The following DDHD1 variants were observed in gnomAD, a reference collection of about 807,000 sequenced individuals.
The protein encoded by DDHD1 is phospholipase DDHD1.
In DDHD1, 49 loss-of-function variants were observed where a neutral mutation model predicts 96.4. The observed-to-expected ratio is 0.51, with a 90% CI of 0.40 to 0.64. The LOEUF (loss-of-function observed/expected upper bound fraction) is 0.64, where lower values mean the gene tolerates loss of function less well. Among genes scored for constraint, DDHD1 ranks in the 30% least tolerant of loss-of-function variants. DDHD1 has a pLI of 0.00. For synonymous variants in DDHD1, 442 were observed against 446.5 expected (o/e 0.99, Z 0.13); for missense variants, 1,106 against 1,161.2 (o/e 0.95, Z 0.69).
intron 1 of DDHD1, among the ~76,000 whole-genome samples, chr14:53,127,364 C>T (rs1889532856): frequency 6.6e-6 from 1 of 152,148 alleles, no homozygotes; most frequent in South Asian, 2.1e-4. Context: ...CCAGTTCACC[C>T]CTTAACCTCT....
At chr14:53,114,154 G>A (rs1888362118) in intron 1 of DDHD1, among the ~76,000 whole-genome samples, 1 of 152,224 alleles carries the variant, frequency 6.6e-6, no homozygotes, top group African/African-American at 2.4e-5. Context: ...GCTGTCACCA[G>A]ACTGCCTCTC....
At chr14:53,070,725 C>T (rs56706772) in intron 6 of DDHD1, among the ~76,000 whole-genome samples, 10,409 of 152,118 alleles carry the variant, frequency 0.068, 898 homozygotes, top group African/African-American at 0.2. Flanking sequence ...TTAATACATA[C>T]AAAATAAACC....
intron 1 of DDHD1, among the ~76,000 whole-genome samples, chr14:53,113,595 G>C (rs1009805017): frequency 1.5e-4 from 23 of 151,460 alleles, no homozygotes; most frequent in African/African-American, 5.4e-4. Context: ...GTGAGCAGAA[G>C]CATGGTGGTG....
At chr14:53,113,088 T>C (rs1332452687) in intron 1 of DDHD1, among the ~76,000 whole-genome samples, 2 of 151,588 alleles carry the variant, frequency 1.3e-5, no homozygotes, top group Non-Finnish European at 2.9e-5. Context: ...GCCTCCAGAG[T>C]AGCCAGGAAT....
intron 1 of DDHD1, among the ~76,000 whole-genome samples, chr14:53,140,627 T>C (rs1241767056): frequency 1.3e-5 from 2 of 151,462 alleles, no homozygotes; most frequent in Non-Finnish European, 2.9e-5. Flanking sequence ...TAGAAGAGAA[T>C]CATTAAACAA....
At chr14:53,086,867 A>G (rs944808570) in intron 4 of DDHD1, among the ~76,000 whole-genome samples, 1 of 151,652 alleles carries the variant, frequency 6.6e-6, no homozygotes, top group Admixed American at 6.6e-5. Context: ...CAAATGGGAT[A>G]AAGACCCATC....
At chr14:53,073,060 A>G (rs1210449589) in intron 5 of DDHD1, among the ~76,000 whole-genome samples, 1 of 152,066 alleles carries the variant, frequency 6.6e-6, no homozygotes, top group Admixed American at 6.6e-5. Flanking sequence ...CCCAAATGGC[A>G]GCTGCTAATA....
At chr14:53,092,171 C>T (rs1394036525) in intron 3 of DDHD1, 5 of 310,670 alleles carry the variant, frequency 1.6e-5, no homozygotes, top group Non-Finnish European at 2.9e-5. Context: ...GAAGGACAAA[C>T]TGAATATATA....
At position 53,065,077 on chromosome 14, in the gene DDHD1, T is replaced by A. The variant is rs190748523; in HGVS notation, c.1504-1872A>T. On this transcript the variant is annotated intron_variant, in intron 6 of 12. Transcript: ENST00000673822. Reference sequence around the variant, plus strand: ...ATTATCTATTAGGTCTACAATATGATCTAATCAACTCAACGAACCTCTTAC... The same window carrying A: ...ATTATCTATTAGGTCTACAATATGAACTAATCAACTCAACGAACCTCTTAC... 4.3e-4 allele frequency among the ~76,000 whole-genome samples: 65 copies of A among 152,298 alleles called. 1 individual carries two copies. The East Asian group carries it at 7.3e-3, about 17-fold the overall frequency.
At position 53,124,235 on chromosome 14, in the gene DDHD1, C is replaced by CA. The variant is rs1231118458; in HGVS notation, c.839-20380dup. 7.1e-3 allele frequency among the ~76,000 whole-genome samples: 785 copies of CA among 109,854 alleles called. 7 individuals carry two copies. Among genetic ancestry groups the CA allele is most frequent in the African/African-American group, 0.025 (655 of 26,658 alleles). 72.1% of individuals were successfully genotyped at this position (109,854 alleles called of 152,430 possible). On this transcript the variant is annotated intron_variant, in intron 1 of 12. Transcript: ENST00000673822. ...GGGCGACAAGAGTGAAACTCTGTCT[C>CA]AAAAAAAAAAAAATTATATATATAT...
chr14:53,097,101 T>C (rs530443298), intron 2 of DDHD1, among the ~76,000 whole-genome samples: 25 of 152,170 alleles, frequency 1.6e-4, no homozygotes, highest in African/African-American at 5.5e-4. Context: ...CACCAGTTAA[T>C]AAATTACAGG....
chr14:53,116,591 A>G (rs1017951315), intron 1 of DDHD1, among the ~76,000 whole-genome samples: 1 of 152,214 alleles, frequency 6.6e-6, no homozygotes, highest in African/African-American at 2.4e-5. Flanking sequence ...ACACAACTAC[A>G]TGGAAATCAA....
chr14:53,133,319 G>A (rs144121782), intron 1 of DDHD1, among the ~76,000 whole-genome samples: 1 of 152,280 alleles, frequency 6.6e-6, no homozygotes, highest in African/African-American at 2.4e-5. Context: ...GATGGGTAGA[G>A]GCCTTTCCCA....
chr14:53,084,999 C>G (rs1885816440), intron 4 of DDHD1, among the ~76,000 whole-genome samples: 2 of 152,244 alleles, frequency 1.3e-5, no homozygotes, highest in Admixed American at 1.3e-4. Context: ...GGGTCCCACA[C>G]CCACAGAGCC....
In DDHD1 at chr14:53,153,277, T is replaced by A; in HGVS notation, c.-179A>T. 2.2e-6 allele frequency: 1 copy of A among 458,158 alleles called. No homozygotes were observed. The highest frequency in any genetic ancestry group is 3.6e-6 in the Non-Finnish European group (1 of 277,562). The allele number at this position is 458,158 out of a possible 1,614,324, so 28.4% of individuals were successfully genotyped here. A position where few individuals can be genotyped will look rare whatever the true frequency, so the allele number is the denominator to read the frequency against. Reference sequence around the variant, plus strand: ...CCACGAGACCCGCAGCCGCCGCAGCTGCGTTCTGCCGCCGGCCCCATTGTC... The same window carrying A: ...CCACGAGACCCGCAGCCGCCGCAGCAGCGTTCTGCCGCCGGCCCCATTGTC... On this transcript the variant is annotated 5_prime_UTR_variant, in exon 1 of 13. Transcript: ENST00000673822.
At chr14:53,084,925 T>G (rs779065819) in intron 4 of DDHD1, among the ~76,000 whole-genome samples, 1 of 152,222 alleles carries the variant, frequency 6.6e-6, no homozygotes, top group Non-Finnish European at 1.5e-5. Flanking sequence ...GCCACTTAAA[T>G]ACTGTGCTTT....
intron 2 of DDHD1, among the ~76,000 whole-genome samples, chr14:53,097,320 G>T (rs142168217): frequency 1.8e-4 from 28 of 152,040 alleles, no homozygotes; most frequent in African/African-American, 6.3e-4. Context: ...ATTGAGAAAT[G>T]CTTACAAGAC....
chr14:53,092,158 AAAG>A, intron 3 of DDHD1: 1 of 347,024 alleles, frequency 2.9e-6, no homozygotes, highest in Non-Finnish European at 5.1e-6. Context: ...AAATGGAAGG[AAAG>A]AAGGACAAAC....
chr14:53,153,109 C>T lies in DDHD1; in HGVS notation c.-11G>A, dbSNP rs1384231304. ...GCCCGGGTAATTCATGCTGTGGAGA[C>T]GCCGCCGGCTGTCCGGCGGCGCGCG... is the stretch of plus-strand genomic sequence containing the variant. On this transcript the variant is annotated 5_prime_UTR_variant, in exon 1 of 13. Coordinates refer to ENST00000673822, the MANE Select transcript of DDHD1 (RefSeq NM_001160148.2). The T allele has an allele frequency of 8.0e-6, 11 of 1,382,386 alleles. No individual in the cohort carries two copies. The highest frequency in any genetic ancestry group is 1.7e-5 in the South Asian group (1 of 60,028). The allele number at this position is 1,382,386 out of a possible 1,614,324, so 85.6% of individuals were successfully genotyped here. A position where few individuals can be genotyped will look rare whatever the true frequency, so the allele number is the denominator to read the frequency against.
Sources: allele counts gnomAD v4.1 joint callset (sites outside exome capture counted in the v4.1 genomes callset), GRCh38; gene constraint gnomAD v4.1.1; transcripts MANE v1.5; gene names NCBI Gene and HGNC (gene_info 2026-07-23, HGNC 2026-07-21).